The following CDK5RAP2 variants were observed in gnomAD, a reference collection of about 807,000 sequenced individuals.
The protein encoded by CDK5RAP2 is CDK5 regulatory subunit-associated protein 2.
A neutral mutation model predicts 232.9 loss-of-function variants in CDK5RAP2; 147 were observed. That is an observed-to-expected ratio of 0.63 (90% CI 0.55 to 0.72). The LOEUF (loss-of-function observed/expected upper bound fraction) is 0.72, where lower values mean the gene tolerates loss of function less well. CDK5RAP2 is among the 30% of genes least tolerant of loss of function. The pLI, the probability that CDK5RAP2 is intolerant of heterozygous loss-of-function variation, is 0.00. For synonymous variants in CDK5RAP2, 833 were observed against 833.7 expected, an observed-to-expected ratio of 1.00 and a Z score of 0.01; for missense variants, 2,195 against 2,231.5, an observed-to-expected ratio of 0.98 and a Z score of 0.33.
chr9:120,557,353 G>T (rs984324864), intron 3 of CDK5RAP2, among the ~76,000 whole-genome samples: 1 of 152,052 alleles, frequency 6.6e-6, no homozygotes, highest in African/African-American at 2.4e-5. Context: ...CTGGATACTC[G>T]GCTTTCTACC....
chr9:120,435,797 C>A (rs2035548300), intron 25 of CDK5RAP2, among the ~76,000 whole-genome samples: 1 of 152,106 alleles, frequency 6.6e-6, no homozygotes, highest in Non-Finnish European at 1.5e-5. Context: ...AAATAAGAAT[C>A]TTTAAGCCCA....
intron 2 of CDK5RAP2, among the ~76,000 whole-genome samples, chr9:120,570,552 T>C (rs564706412): frequency 6.6e-6 from 1 of 152,224 alleles, no homozygotes; most frequent in Non-Finnish European, 1.5e-5. Flanking sequence ...AATTAAGAAA[T>C]AGGCTGGCCA....
rs1450344607 is a variant in CDK5RAP2, at chr9:120,536,719, C to T, written c.508-193G>A. Reference sequence around the variant, plus strand: ...CATTTTTCCCTCTTGTATCCTGAAGCATAACAGGCATTTCCAATGGAAAAG... The same window carrying T: ...CATTTTTCCCTCTTGTATCCTGAAGTATAACAGGCATTTCCAATGGAAAAG... On this transcript the variant is annotated intron_variant, in intron 6 of 37. Coordinates refer to ENST00000349780, the MANE Select transcript of CDK5RAP2 (RefSeq NM_018249.6). 3 of 671,292 alleles carry T rather than the reference C, an allele frequency of 4.5e-6. No homozygotes were observed. In the African/African-American group the frequency reaches 5.4e-5, roughly 12 times the overall value. 41.6% of individuals were successfully genotyped at this position (671,292 alleles called of 1,614,324 possible).
chr9:120,516,407 C>A (rs572804297), intron 12 of CDK5RAP2, among the ~76,000 whole-genome samples: 2 of 151,258 alleles, frequency 1.3e-5, no homozygotes, highest in African/African-American at 4.9e-5. Context: ...AGGAGATATA[C>A]CTAATGCTAA....
intron 14 of CDK5RAP2, among the ~76,000 whole-genome samples, chr9:120,481,023 T>C (rs545994500): frequency 6.6e-6 from 1 of 152,210 alleles, no homozygotes; most frequent in African/African-American, 2.4e-5. Flanking sequence ...GTGGGGAGGA[T>C]TTAAAGAGGA....
chr9:120,461,911 T>G (rs1030856076), intron 18 of CDK5RAP2, among the ~76,000 whole-genome samples: 2 of 152,346 alleles, frequency 1.3e-5, no homozygotes, highest in African/African-American at 4.8e-5. Context: ...GGTCATTTGT[T>G]GGGCATGTTG....
intron 36 of CDK5RAP2, among the ~76,000 whole-genome samples, chr9:120,390,914 G>A (rs553274838): frequency 1.4e-4 from 22 of 152,270 alleles, no homozygotes; most frequent in Non-Finnish European, 3.1e-4. Context: ...TGACACTGGG[G>A]ACGGGACAGA....
At chr9:120,483,623 A>G (rs1281978467) in intron 14 of CDK5RAP2, among the ~76,000 whole-genome samples, 1 of 152,318 alleles carries the variant, frequency 6.6e-6, no homozygotes, top group Non-Finnish European at 1.5e-5. Flanking sequence ...ATCCACTTCC[A>G]TTATTTCTAA....
chr9:120,543,766 G>A (rs1388501222), intron 5 of CDK5RAP2, among the ~76,000 whole-genome samples: 1 of 152,206 alleles, frequency 6.6e-6, no homozygotes, highest in Non-Finnish European at 1.5e-5. Context: ...GCTGAGGCAG[G>A]AGAATCGCCT....
intron 7 of CDK5RAP2, among the ~76,000 whole-genome samples, chr9:120,531,833 C>G (rs2041165314): frequency 1.3e-5 from 2 of 151,630 alleles, no homozygotes; most frequent in Non-Finnish European, 3.0e-5. Flanking sequence ...AGACAAGGTG[C>G]CAGGCAGCAC....
chr9:120,484,823 G>A (rs571786085), intron 14 of CDK5RAP2, among the ~76,000 whole-genome samples: 8 of 152,166 alleles, frequency 5.3e-5, no homozygotes, highest in African/African-American at 1.7e-4. Flanking sequence ...AAATTCCTGG[G>A]CTCAAGCAAT....
chr9:120,509,400 C>T (rs913867805), intron 12 of CDK5RAP2, among the ~76,000 whole-genome samples: 3 of 152,202 alleles, frequency 2.0e-5, no homozygotes, highest in African/African-American at 7.2e-5. Context: ...ATCAACTTCT[C>T]TGTGCCAGGA....
chr9:120,551,630 T>G (rs1374764291), intron 3 of CDK5RAP2, among the ~76,000 whole-genome samples: 1 of 152,188 alleles, frequency 6.6e-6, no homozygotes, highest in Non-Finnish European at 1.5e-5. Flanking sequence ...ACAACAGAAC[T>G]GAACTCTTCA....
Position 120,525,226 on chromosome 9 carries a change from G to A in CDK5RAP2, c.1000-148C>T, listed in dbSNP as rs571787085. 152 of 690,928 alleles carry A rather than the reference G, an allele frequency of 2.2e-4. 1 individual carries two copies. The highest frequency in any genetic ancestry group is 1.8e-3 in the South Asian group (114 of 62,596). 42.8% of individuals were successfully genotyped at this position (690,928 alleles called of 1,614,324 possible). On this transcript the variant is annotated intron_variant, in intron 10 of 37. Coordinates refer to ENST00000349780, the MANE Select transcript of CDK5RAP2 (RefSeq NM_018249.6). ...TTCGAGTGGGATTTCCAGTTTAGCC[G>A]TTTACTAGCTGGATGACTTCAGGCA...
intron 3 of CDK5RAP2, among the ~76,000 whole-genome samples, chr9:120,556,389 A>G (rs2042229649): frequency 6.6e-6 from 1 of 152,222 alleles, no homozygotes; most frequent in Non-Finnish European, 1.5e-5. Context: ...CAGCGTTTTA[A>G]AAAATAATTT....
intron 20 of CDK5RAP2, among the ~76,000 whole-genome samples, chr9:120,457,699 T>C (rs764634906): frequency 2.4e-4 from 37 of 152,382 alleles, no homozygotes; most frequent in Admixed American, 2.0e-3. Context: ...TGGGCAATCA[T>C]TACCGTTCCA....
intron 5 of CDK5RAP2, among the ~76,000 whole-genome samples, chr9:120,542,874 G>A (rs2041695378): frequency 6.6e-6 from 1 of 152,214 alleles, no homozygotes; most frequent in African/African-American, 2.4e-5. Flanking sequence ...AGAGACTGAT[G>A]CGGGCTAGAG....
intron 14 of CDK5RAP2, among the ~76,000 whole-genome samples, chr9:120,481,813 T>C (rs183523814): frequency 6.6e-6 from 1 of 152,292 alleles, no homozygotes; most frequent in East Asian, 1.9e-4. Context: ...GTGCCGGGCC[T>C]GTATGTCAAT....
At chr9:120,467,676 C>G (rs570730646) in intron 18 of CDK5RAP2, among the ~76,000 whole-genome samples, 184 bp downstream of exon 18, 1 of 151,782 alleles carries the variant, frequency 6.6e-6, no homozygotes. Context: ...GACAGGGTCT[C>G]GCTCTATCCC....
Sources: gnomAD v4.1 joint callset for allele counts (sites outside exome capture counted in the v4.1 genomes callset) on GRCh38, gnomAD v4.1.1 for gene constraint, MANE v1.5 for transcripts, NCBI Gene and HGNC (gene_info 2026-07-23, HGNC 2026-07-21) for gene names.